The following PTPRF variants were observed in gnomAD, a reference collection of about 807,000 sequenced individuals.
The protein encoded by PTPRF is receptor-type tyrosine-protein phosphatase F.
A neutral mutation model predicts 201.8 loss-of-function variants in PTPRF; 59 were observed. The observed-to-expected ratio is 0.29, with a 90% confidence interval of 0.24 to 0.36. PTPRF has a LOEUF of 0.36. Among genes scored for constraint, PTPRF ranks in the 10% least tolerant of loss-of-function variants. The pLI is 1.00. For synonymous variants in PTPRF, 1,088 were observed against 1,089.7 expected (o/e 1.00, Z 0.03); for missense variants, 2,132 against 2,690.5 (o/e 0.79, Z 4.59).
intron 6 of PTPRF, among the ~76,000 whole-genome samples, chr1:43,577,201 G>C (rs979430817): frequency 6.6e-5 from 10 of 152,130 alleles, no homozygotes; most frequent in Non-Finnish European, 1.2e-4. Context: ...ACACCCCCCT[G>C]CCTCACTCAG....
At chr1:43,617,654 A>C in intron 24 of PTPRF, 82 bp from the exon 25 acceptor site, 2 of 1,602,922 alleles carry the variant, frequency 1.2e-6, no homozygotes, top group Non-Finnish European at 1.7e-6. Context: ...GATGTCCACG[A>C]GTCTCAGGGG....
At chr1:43,556,607 A>G (rs1398637955) in intron 5 of PTPRF, among the ~76,000 whole-genome samples, 4 of 152,172 alleles carry the variant, frequency 2.6e-5, no homozygotes, top group Non-Finnish European at 5.9e-5. Flanking sequence ...CTACAAGCTT[A>G]GAGGAGCCAT....
chr1:43,563,952 G>T (rs528518379), intron 5 of PTPRF, among the ~76,000 whole-genome samples: 3 of 152,184 alleles, frequency 2.0e-5, no homozygotes, highest in Non-Finnish European at 4.4e-5. Flanking sequence ...TGAGTAGGGC[G>T]ATGTGGGGTG....
chr1:43,567,919 CAAAG>C (rs1646294911), intron 5 of PTPRF, among the ~76,000 whole-genome samples: 1 of 152,174 alleles, frequency 6.6e-6, no homozygotes, highest in Non-Finnish European at 1.5e-5. Flanking sequence ...AGGAGACAGA[CAAAG>C]AACACACATT....
chr1:43,538,962 T>C (rs375171188), intron 2 of PTPRF, among the ~76,000 whole-genome samples: 2 of 152,182 alleles, frequency 1.3e-5, no homozygotes, highest in East Asian at 1.9e-4. Context: ...TACAGCAGCA[T>C]TGAAGGTTCT....
chr1:43,588,889 G>A lies in PTPRF; in HGVS notation c.838G>A (p.Val280Ile), dbSNP rs772578571. Reference sequence around the variant, plus strand: ...GCTCACCAAGGAGGATGAGATGCCAGTTGGCCGCAACGTCCTGGAGCTCAG... The same window carrying A: ...GCTCACCAAGGAGGATGAGATGCCAATTGGCCGCAACGTCCTGGAGCTCAG... ...EELTKEDEMP[V>I]GRNVLELSNV... is the part of the protein sequence containing the mutation. Residue 280 changes from valine (V) to isoleucine (I), a missense_variant, in exon 8 of 34, where the codon GTT becomes ATT. Physicochemically the swap from Val to Ile is conservative, Grantham distance 29. Transcript: ENST00000359947. The surrounding 1 kb of genome is among the most constrained non-coding windows in gnomAD (Gnocchi z 5.3). The A allele has an allele frequency of 6.2e-7, 1 of 1,613,920 alleles. No individual in the cohort carries two copies. The highest frequency in any genetic ancestry group is 1.1e-5 in the South Asian group (1 of 91,070).
chr1:43,565,513 G>A (rs1394977873), intron 5 of PTPRF, among the ~76,000 whole-genome samples: 1 of 152,234 alleles, frequency 6.6e-6, no homozygotes, highest in Admixed American at 6.5e-5. Flanking sequence ...ATCCGCAAAC[G>A]GTGTGGAGAC....
intron 13 of PTPRF, 83 bp from the exon 14 acceptor site, chr1:43,601,988 C>T: frequency 6.6e-7 from 1 of 1,517,738 alleles, no homozygotes; most frequent in Non-Finnish European, 9.2e-7. Context: ...CCTCCCTGGG[C>T]AAGGTCCCTT....
chr1:43,598,235 T>C, intron 12 of PTPRF, 182 bp downstream of exon 12: 1 of 607,738 alleles, frequency 1.6e-6, no homozygotes, highest in Non-Finnish European at 2.6e-6. Flanking sequence ...TCCCAGCCTT[T>C]GGGGCTGTCT....
chr1:43,548,122 G>C (rs1212968688), intron 3 of PTPRF, among the ~76,000 whole-genome samples: 1 of 149,648 alleles, frequency 6.7e-6, no homozygotes, highest in Non-Finnish European at 1.5e-5. Flanking sequence ...TTGCTAATGG[G>C]GGGGTATTGC....
chr1:43,590,293 A>G (rs562760921), intron 8 of PTPRF, among the ~76,000 whole-genome samples: 1 of 152,336 alleles, frequency 6.6e-6, no homozygotes, highest in East Asian at 1.9e-4. Context: ...ACATGGCAGA[A>G]TCATGAGTAC....
chr1:43,620,889 C>A lies in PTPRF; in HGVS notation c.5416C>A (p.Gln1806Lys). 6.2e-7 allele frequency: 1 copy of A among 1,614,178 alleles called. No homozygotes were observed. The highest frequency in any genetic ancestry group is 8.5e-7 in the Non-Finnish European group (1 of 1,179,992). ...RQFQFTDWPE[Q>K]GVPKTGEGFI... ...GTTCCAGTTCACAGACTGGCCAGAG[C>A]AGGGCGTGCCCAAGACAGGCGAGGG... Residue 1806 changes from glutamine (Q) to lysine (K), a missense_variant, in exon 32 of 34, where the codon CAG becomes AAG. Gln to Lys is a moderately conservative substitution (Grantham distance 53). Around this residue, in one of 6 missense-constraint regions of PTPRF, gnomAD observed 519 missense variants for 659.5 expected, o/e 0.79. Transcript: ENST00000359947.
At chr1:43,601,972 C>T in intron 13 of PTPRF, 99 bp from the exon 14 acceptor site, 1 of 1,442,850 alleles carries the variant, frequency 6.9e-7, no homozygotes, top group East Asian at 2.3e-5. Flanking sequence ...AAAGCCCTCC[C>T]TCTGTCCTCC....
chr1:43,574,742 C>T (rs1029707797), intron 6 of PTPRF, among the ~76,000 whole-genome samples: 26 of 152,230 alleles, frequency 1.7e-4, no homozygotes, highest in African/African-American at 6.0e-4. Context: ...ACATAACCCT[C>T]ACTCCCAGGT....
intron 13 of PTPRF, among the ~76,000 whole-genome samples, chr1:43,600,665 T>C (rs1291610014): frequency 6.6e-6 from 1 of 151,012 alleles, no homozygotes; most frequent in Non-Finnish European, 1.5e-5. Flanking sequence ...ACCCCCAGCC[T>C]GGAAGTGTGG....
chr1:43,522,694 G>A (rs1642989673), upstream of PTPRF, among the ~76,000 whole-genome samples: 2 of 152,178 alleles, frequency 1.3e-5, no homozygotes, highest in African/African-American at 4.8e-5. Context: ...TGAAGGAGGT[G>A]GGGTGGAAAG....
intron 2 of PTPRF, among the ~76,000 whole-genome samples, chr1:43,539,562 T>C (rs964136267): frequency 2.0e-5 from 3 of 152,184 alleles, no homozygotes; most frequent in African/African-American, 7.2e-5. Context: ...GTGTATGTCC[T>C]GGGTGTCTCC....
chr1:43,545,548 G>A (rs530602079), intron 3 of PTPRF, among the ~76,000 whole-genome samples: 72 of 152,256 alleles, frequency 4.7e-4, no homozygotes, highest in African/African-American at 1.5e-3. Flanking sequence ...GGGGTGGCAC[G>A]CAGGGCATGC....
At chr1:43,598,218 G>A (rs1652863651) in intron 12 of PTPRF, 165 bp downstream of exon 12, 1 of 713,312 alleles carries the variant, frequency 1.4e-6, no homozygotes, top group Non-Finnish European at 2.1e-6. Flanking sequence ...GATAACTGAG[G>A]CCCAAATCCC....
Sources: allele counts gnomAD v4.1 joint callset (sites outside exome capture counted in the v4.1 genomes callset), GRCh38; gene constraint gnomAD v4.1.1; regional missense constraint gnomAD v4.1.1; non-coding constraint Gnocchi (gnomAD v3.1); transcripts MANE v1.5; gene names NCBI Gene and HGNC (gene_info 2026-07-23, HGNC 2026-07-21).